Variants in ARHGEF28 observed in about 807,000 individuals in gnomAD.
The protein encoded by ARHGEF28 is Rho guanine nucleotide exchange factor 28.
In ARHGEF28, 152 loss-of-function variants were observed where a neutral mutation model predicts 206.6. The observed-to-expected ratio is 0.74, with a 90% CI of 0.64 to 0.84. The LOEUF is 0.84. ARHGEF28 is among the 40% of genes least tolerant of loss of function. The pLI, the probability that ARHGEF28 is intolerant of heterozygous loss-of-function variation, is 0.00. For synonymous variants in ARHGEF28, 763 were observed against 776.4 expected (o/e 0.98, Z 0.29); for missense variants, 2,028 against 2,073.2 (o/e 0.98, Z 0.42).
intron 16 of ARHGEF28, among the ~76,000 whole-genome samples, chr5:73,861,215 G>T (rs1168576761): frequency 6.6e-6 from 1 of 152,182 alleles, no homozygotes. Flanking sequence ...GGGAGCCAGG[G>T]CTCACTGAAA....
At chr5:73,769,169 A>G (rs188143251) in intron 4 of ARHGEF28, among the ~76,000 whole-genome samples, 5 of 152,108 alleles carry the variant, frequency 3.3e-5, no homozygotes, top group African/African-American at 1.2e-4. Flanking sequence ...CAGAAAAAAT[A>G]TTTTACCCTG....
chr5:73,686,055 G>GGAA (rs1747446789), intron 2 of ARHGEF28, among the ~76,000 whole-genome samples: 3 of 152,110 alleles, frequency 2.0e-5, no homozygotes. Flanking sequence ...CTTCTCTGGA[G>GGAA]GAAGACAGAG....
chr5:73,894,675 G>A (rs1761854393), intron 29 of ARHGEF28, 100 bp downstream of exon 29: 1 of 1,363,784 alleles, frequency 7.3e-7, no homozygotes. Flanking sequence ...TGAGGATACA[G>A]CAGAACAAGA....
intron 18 of ARHGEF28, among the ~76,000 whole-genome samples, chr5:73,867,363 G>T (rs1396133780): frequency 6.6e-6 from 1 of 152,192 alleles, no homozygotes; most frequent in Non-Finnish European, 1.5e-5. Context: ...TTTTCCATGT[G>T]TGAGAGAGAA....
At chr5:73,802,869 G>GCT (rs199856216) in intron 9 of ARHGEF28, among the ~76,000 whole-genome samples, 19,925 of 92,934 alleles carry the variant, frequency 0.21, 1,852 homozygotes, top group African/African-American at 0.28. Flanking sequence ...AAGCTCGATT[G>GCT]CTGTGTGTGT....
At chr5:73,809,802 C>T (rs895840149) in intron 9 of ARHGEF28, among the ~76,000 whole-genome samples, 9 of 152,134 alleles carry the variant, frequency 5.9e-5, no homozygotes, top group African/African-American at 2.2e-4. Context: ...AAAGGAGGCA[C>T]ATTCAGGCGA....
At chr5:73,844,387 TCTC>T (rs1023461914) in intron 11 of ARHGEF28, among the ~76,000 whole-genome samples, 7 of 152,058 alleles carry the variant, frequency 4.6e-5, no homozygotes, top group Non-Finnish European at 1.0e-4. Flanking sequence ...CGCCTTGAAA[TCTC>T]CTTCCGTCTC....
In ARHGEF28 at chr5:73,852,275, A is replaced by C. The variant is rs544506503; in HGVS notation, c.1748-375A>C. Reference sequence around the variant, plus strand: ...GAGCTTTGTTTAAAAGCAGTTATTTATTGGTTCTGTATGTTAGGGCATTAG... The same window carrying C: ...GAGCTTTGTTTAAAAGCAGTTATTTCTTGGTTCTGTATGTTAGGGCATTAG... On this transcript the variant is annotated intron_variant, in intron 13 of 35. Coordinates refer to ENST00000513042, the MANE Select transcript of ARHGEF28 (RefSeq NM_001177693.2). Among the ~76,000 whole-genome samples the C allele has an allele frequency of 7.2e-5, 11 of 152,282 alleles. 1 individual carries two copies. Among genetic ancestry groups the C allele is most frequent in the African/African-American group, 2.4e-4 (10 of 41,556 alleles).
chr5:73,628,002 T>C (rs1743116155), intron 1 of ARHGEF28, among the ~76,000 whole-genome samples: 1 of 151,452 alleles, frequency 6.6e-6, no homozygotes, highest in Non-Finnish European at 1.5e-5. Context: ...AAGCAGTTTA[T>C]AAACACTTAA....
At chr5:73,694,523 TG>T (rs1317132728) in intron 2 of ARHGEF28, among the ~76,000 whole-genome samples, 1 of 152,196 alleles carries the variant, frequency 6.6e-6, no homozygotes, top group Non-Finnish European at 1.5e-5. Flanking sequence ...ATGATGGAAA[TG>T]GGTTAGAGTT....
At chr5:73,699,161 GTGTGTA>G (rs1298640296) in intron 2 of ARHGEF28, among the ~76,000 whole-genome samples, 5 of 152,026 alleles carry the variant, frequency 3.3e-5, no homozygotes, top group African/African-American at 9.6e-5. Context: ...CTGTGTGTGT[GTGTGTA>G]TGTGTGTGTG....
chr5:73,895,396 G>T (rs1761904882), intron 29 of ARHGEF28, among the ~76,000 whole-genome samples: 2 of 152,146 alleles, frequency 1.3e-5, no homozygotes, highest in African/African-American at 4.8e-5. Flanking sequence ...GAGAACTTGT[G>T]CTGTGTGCTA....
At chr5:73,695,544 T>A (rs554503173) in intron 2 of ARHGEF28, among the ~76,000 whole-genome samples, 1 of 152,312 alleles carries the variant, frequency 6.6e-6, no homozygotes, top group African/African-American at 2.4e-5. Flanking sequence ...TTATATTTTT[T>A]AAAAGTTTTC....
intron 13 of ARHGEF28, among the ~76,000 whole-genome samples, chr5:73,850,642 T>C (rs7734725): frequency 0.15 from 22,718 of 152,052 alleles, 2,279 homozygotes; most frequent in African/African-American, 0.27. Flanking sequence ...AAGTCAGATA[T>C]CTCTAGAGTT....
At chr5:73,911,836 A>G in intron 35 of ARHGEF28, 2 of 406,926 alleles carry the variant, frequency 4.9e-6, no homozygotes, top group Non-Finnish European at 8.8e-6. Flanking sequence ...GGATTTTTAG[A>G]TGTGTGGGTT....
intron 1 of ARHGEF28, among the ~76,000 whole-genome samples, chr5:73,675,030 A>G (rs1746567051): frequency 6.6e-6 from 1 of 152,180 alleles, no homozygotes; most frequent in South Asian, 2.1e-4. Context: ...AATTAGTCAA[A>G]CCCAAGGAGA....
intron 9 of ARHGEF28, among the ~76,000 whole-genome samples, chr5:73,801,314 G>C (rs905020950): frequency 4.6e-5 from 7 of 152,086 alleles, no homozygotes; most frequent in Non-Finnish European, 1.0e-4. Flanking sequence ...AGGCGTGGTG[G>C]TAGGCGCCTG....
chr5:73,817,064 C>G (rs1051664934), intron 9 of ARHGEF28, among the ~76,000 whole-genome samples: 11 of 152,178 alleles, frequency 7.2e-5, no homozygotes, highest in African/African-American at 2.7e-4. Flanking sequence ...ACCCAAGGTT[C>G]TCATAATTGT....
intron 1 of ARHGEF28, among the ~76,000 whole-genome samples, chr5:73,632,437 ACC>A (rs1743426873): frequency 6.6e-6 from 1 of 152,172 alleles, no homozygotes; most frequent in South Asian, 2.1e-4. Context: ...CAAATGGTTG[ACC>A]AGTCTGTCCT....
Sources: allele counts gnomAD v4.1 joint callset (sites outside exome capture counted in the v4.1 genomes callset), GRCh38; gene constraint gnomAD v4.1.1; transcripts MANE v1.5; gene names NCBI Gene and HGNC (gene_info 2026-07-23, HGNC 2026-07-21).